PPARGC1A: variants seen among roughly 807,000 people sequenced by gnomAD.
PPARGC1A encodes peroxisome proliferator-activated receptor gamma coactivator 1-alpha.
A neutral mutation model predicts 88.7 loss-of-function variants in PPARGC1A; 25 were observed. The ratio of observed to expected loss-of-function variants is 0.28; its 90% confidence interval spans 0.21 to 0.39. The LOEUF (loss-of-function observed/expected upper bound fraction) is 0.39, where lower values mean the gene tolerates loss of function less well. Ranked by LOEUF, PPARGC1A falls within the 10% of genes least tolerant of loss-of-function variation. The pLI is 1.00. For synonymous variants in PPARGC1A, 363 were observed against 355.6 expected (o/e 1.02, Z -0.24); for missense variants, 880 against 968.7 (o/e 0.91, Z 1.22).
At chr4:24,203,131 T>C in the PPARGC1A span, among the ~76,000 whole-genome samples, 1 of 152,150 alleles carries the variant, frequency 6.6e-6, no homozygotes, top group African/African-American at 2.4e-5. Context: ...AAATCCAACC[T>C]GTGGTCCACA....
At chr4:24,203,646 G>A in the PPARGC1A span, among the ~76,000 whole-genome samples, 34 of 152,340 alleles carry the variant, frequency 2.2e-4, no homozygotes, top group African/African-American at 5.1e-4. Flanking sequence ...GGCATAAAAC[G>A]TCTTTGAATA....
At position 23,824,236 on chromosome 4, in the gene PPARGC1A, TACAG is replaced by T. The variant is rs774998315; in HGVS notation, c.877+40_877+43del. On this transcript the variant is annotated intron_variant, in intron 7 of 12. Transcript: ENST00000264867. The stretch of plus-strand genomic sequence containing the variant: ...TTATCTTATTACACACACACACATA[TACAG>T]ACAGACACACACAAGTTCTAAGTGA... 6.2e-5 allele frequency: 93 copies of T among 1,510,664 alleles called. No homozygotes were observed. In the African/African-American group the frequency reaches 9.5e-4, roughly 15 times the overall value. 93.6% of individuals were successfully genotyped at this position (1,510,664 alleles called of 1,614,324 possible). A position where few individuals can be genotyped will look rare whatever the true frequency, so the allele number is the denominator to read the frequency against.
the PPARGC1A span, among the ~76,000 whole-genome samples, chr4:23,985,689 A>C: frequency 6.6e-6 from 1 of 152,048 alleles, no homozygotes; most frequent in South Asian, 2.1e-4. Context: ...CTATAAAATC[A>C]CACACAAATC....
At chr4:24,426,536 G>A in the PPARGC1A span, among the ~76,000 whole-genome samples, 1 of 152,148 alleles carries the variant, frequency 6.6e-6, no homozygotes, top group Admixed American at 6.5e-5. Flanking sequence ...CAATAAAAAG[G>A]AAAAGTGAAA....
the PPARGC1A span, among the ~76,000 whole-genome samples, chr4:23,933,469 C>A: frequency 8.5e-5 from 13 of 152,302 alleles, no homozygotes; most frequent in East Asian, 3.9e-4. Flanking sequence ...AACTCTCAAC[C>A]TCACCTCATA....
the PPARGC1A span, among the ~76,000 whole-genome samples, chr4:24,334,705 G>C: frequency 6.6e-6 from 1 of 152,130 alleles, no homozygotes; most frequent in Non-Finnish European, 1.5e-5. Flanking sequence ...GAGGATGTTG[G>C]GGGGCATGTG....
At chr4:23,989,559 TAGA>T in the PPARGC1A span, among the ~76,000 whole-genome samples, 9 of 152,048 alleles carry the variant, frequency 5.9e-5, no homozygotes, top group Non-Finnish European at 8.8e-5. Flanking sequence ...AACCAAAGTG[TAGA>T]AGAATGGCAT....
At chr4:24,194,129 C>CAAAAA in the PPARGC1A span, among the ~76,000 whole-genome samples, 1,008 of 128,676 alleles carry the variant, frequency 7.8e-3, 10 homozygotes, top group South Asian at 0.016. Context: ...AACTCCATCT[C>CAAAAA]AAAAAAAAAA....
chr4:23,892,424 A>G (rs16874293), upstream of PPARGC1A, among the ~76,000 whole-genome samples: 1,049 of 116,996 alleles, frequency 9.0e-3, 47 homozygotes, highest in East Asian at 0.14. Context: ...AGGACAAATT[A>G]GAGTGCTTTC....
At chr4:23,995,286 A>G in the PPARGC1A span, among the ~76,000 whole-genome samples, 1 of 152,188 alleles carries the variant, frequency 6.6e-6, no homozygotes, top group Admixed American at 6.5e-5. Flanking sequence ...ATGCACACAT[A>G]CATATCCCTC....
At chr4:23,952,722 T>C in the PPARGC1A span, among the ~76,000 whole-genome samples, 15 of 152,098 alleles carry the variant, frequency 9.9e-5, no homozygotes, top group Admixed American at 9.2e-4. Context: ...GAAGGGCTTA[T>C]ACAATGTAAG....
chr4:23,952,519 C>T, the PPARGC1A span, among the ~76,000 whole-genome samples: 3 of 152,070 alleles, frequency 2.0e-5, no homozygotes, highest in African/African-American at 7.2e-5. Flanking sequence ...GACAGTTACC[C>T]CACCATAACT....
At chr4:24,237,853 T>C in the PPARGC1A span, among the ~76,000 whole-genome samples, 1 of 152,186 alleles carries the variant, frequency 6.6e-6, no homozygotes, top group African/African-American at 2.4e-5. Context: ...CCCAGGAAGA[T>C]GACACTGCCA....
chr4:24,168,611 TCA>T, the PPARGC1A span, among the ~76,000 whole-genome samples: 4 of 144,814 alleles, frequency 2.8e-5, no homozygotes, highest in Non-Finnish European at 4.5e-5. Flanking sequence ...GAGGAAGAGC[TCA>T]CACACACACA....
At chr4:24,156,410 T>C in the PPARGC1A span, among the ~76,000 whole-genome samples, 2 of 152,100 alleles carry the variant, frequency 1.3e-5, no homozygotes, top group Non-Finnish European at 2.9e-5. Flanking sequence ...GTGTCTTCTT[T>C]GGTGCCTGCT....
the PPARGC1A span, among the ~76,000 whole-genome samples, chr4:24,025,844 T>C: frequency 1.3e-5 from 2 of 152,008 alleles, no homozygotes; most frequent in African/African-American, 2.4e-5. Context: ...TCTAATTCAA[T>C]GGGGAAAGGA....
At chr4:24,356,071 C>T in the PPARGC1A span, among the ~76,000 whole-genome samples, 1 of 152,056 alleles carries the variant, frequency 6.6e-6, no homozygotes, top group African/African-American at 2.4e-5. Context: ...GTGGCGCGTG[C>T]CTGTAATCCC....
chr4:24,459,484 A>G, the PPARGC1A span, among the ~76,000 whole-genome samples: 2 of 152,076 alleles, frequency 1.3e-5, no homozygotes, highest in East Asian at 3.9e-4. Context: ...AGGTATTCAG[A>G]AATCAATTAA....
At position 23,831,580 on chromosome 4, in the gene PPARGC1A, G is replaced by A. The variant is rs1379682024; in HGVS notation, c.406C>T (p.Gln136Ter). 6.2e-7 allele frequency: 1 copy of A among 1,613,946 alleles called. No individual in the cohort carries two copies. Among genetic ancestry groups the A allele is most frequent in the African/African-American group, 1.3e-5 (1 of 74,930 alleles). Residue 136 changes from glutamine (Q) to a stop codon, truncating the protein, a stop_gained, in exon 3 of 13, where the codon CAG becomes TAG. Coordinates refer to ENST00000264867, the MANE Select transcript of PPARGC1A (RefSeq NM_013261.5). LOFTEE classifies it high-confidence loss of function. ...ACTAGAGACGGCTCTTCTGCCTCCT[G>A]GGGTGGAGGGGTGCCGTCAGGCATG... ...SSMPDGTPPPQEAEEPSLLKK... is the reference protein window; with the variant it reads ...SSMPDGTPPP
Sources: gnomAD v4.1 joint callset for allele counts (sites outside exome capture counted in the v4.1 genomes callset) on GRCh38, gnomAD v4.1.1 for gene constraint, MANE v1.5 for transcripts, NCBI Gene and HGNC (gene_info 2026-07-23, HGNC 2026-07-21) for gene names.